TMEM163: variants seen among roughly 807,000 people sequenced by gnomAD.
TMEM163 encodes transmembrane protein 163.
In TMEM163, 17 loss-of-function variants were observed where a neutral mutation model predicts 29.3. The ratio of observed to expected loss-of-function variants is 0.58; its 90% CI spans 0.40 to 0.87. The LOEUF (loss-of-function observed/expected upper bound fraction) is 0.87, where lower values mean the gene tolerates loss of function less well. TMEM163 is among the 40% of genes least tolerant of loss of function. The pLI, the probability that TMEM163 is intolerant of heterozygous loss-of-function variation, is 0.00. For synonymous variants in TMEM163, 157 were observed against 160.6 expected, an observed-to-expected ratio of 0.98 and a Z score of 0.17; for missense variants, 303 against 381.5, an observed-to-expected ratio of 0.79 and a Z score of 1.71.
chr2:134,710,571 C>T (rs1158736523), intron 2 of TMEM163, among the ~76,000 whole-genome samples: 1 of 151,878 alleles, frequency 6.6e-6, no homozygotes, highest in East Asian at 1.9e-4. Context: ...TAAATGAAAT[C>T]TCAGCCTTGT....
At chr2:134,676,155 A>G (rs1418059951) in intron 2 of TMEM163, among the ~76,000 whole-genome samples, 1 of 152,194 alleles carries the variant, frequency 6.6e-6, no homozygotes, top group Admixed American at 6.5e-5. Context: ...AGCATTTGCC[A>G]ATTTCTATGG....
At chr2:134,477,662 C>A (rs1032301310) in intron 5 of TMEM163, among the ~76,000 whole-genome samples, 1 of 152,066 alleles carries the variant, frequency 6.6e-6, no homozygotes, top group African/African-American at 2.4e-5. Flanking sequence ...AGAAAACATA[C>A]CATGAAGGCC....
Position 134,502,944 on chromosome 2 carries a change from A to G in TMEM163, c.512T>C (p.Val171Ala). 6.2e-7 allele frequency: 1 copy of G among 1,614,036 alleles called. No individual in the cohort carries two copies. Among genetic ancestry groups the G allele is most frequent in the Non-Finnish European group, 8.5e-7 (1 of 1,179,978 alleles). The change falls in exon 5 of 8, where the codon GTC becomes GCC. Residue 171 changes from valine to alanine, a missense_variant. Physicochemically the swap from Val to Ala is moderately conservative, Grantham distance 64. Around this residue, in one of 2 missense-constraint regions of TMEM163, gnomAD observed 203 missense variants for 294.3 expected, o/e 0.69. Transcript: ENST00000281924. ...IFLLSSICIV[V>A]KAIHDLSTRL... ...AGTTGAGAGGTCATGGATGGCTTTG[A>G]CCACTATACATATGGATGACAGAAG...
chr2:134,548,500 T>A (rs945304675), intron 4 of TMEM163, among the ~76,000 whole-genome samples: 1 of 152,182 alleles, frequency 6.6e-6, no homozygotes, highest in Admixed American at 6.5e-5. Context: ...TCCGAGTATA[T>A]CTCTACATTA....
Position 134,656,285 on chromosome 2 carries a change from T to C in TMEM163, c.322+56915A>G, listed in dbSNP as rs535799274. Among the ~76,000 whole-genome samples, 19 of 151,214 alleles carry C rather than the reference T, an allele frequency of 1.3e-4. No individual in the cohort carries two copies. In the East Asian group the frequency reaches 3.1e-3, roughly 25 times the overall value. ...TTTTAAGCCGGTCTGAAAAGCGCAA[T>C]ATTCGGGTGGGAGTGACCCGATTTT... On this transcript the variant is annotated intron_variant, in intron 2 of 7. Coordinates refer to ENST00000281924, the MANE Select transcript of TMEM163 (RefSeq NM_030923.5).
chr2:134,471,938 G>T (rs899330290), intron 5 of TMEM163, among the ~76,000 whole-genome samples: 1 of 152,214 alleles, frequency 6.6e-6, no homozygotes, highest in Non-Finnish European at 1.5e-5. Flanking sequence ...AGTGGACTCC[G>T]TGAAAACAGC....
intron 6 of TMEM163, among the ~76,000 whole-genome samples, chr2:134,463,852 C>T (rs1296628178): frequency 6.6e-6 from 1 of 152,220 alleles, no homozygotes; most frequent in African/African-American, 2.4e-5. Context: ...CACGCTCCAA[C>T]AGCATCAAAC....
intron 2 of TMEM163, among the ~76,000 whole-genome samples, chr2:134,564,383 C>T (rs1268303611): frequency 6.6e-6 from 1 of 151,958 alleles, no homozygotes; most frequent in Admixed American, 6.6e-5. Context: ...AGAAAACTGT[C>T]GATGAGCTGT....
intron 2 of TMEM163, among the ~76,000 whole-genome samples, chr2:134,708,550 A>AT (rs1240545555): frequency 6.6e-6 from 1 of 151,226 alleles, no homozygotes; most frequent in East Asian, 1.9e-4. Flanking sequence ...GCTGCACCTA[A>AT]TTTTTTATAT....
chr2:134,651,304 G>A (rs1268520338), intron 2 of TMEM163, among the ~76,000 whole-genome samples: 1 of 140,054 alleles, frequency 7.1e-6, no homozygotes, highest in Non-Finnish European at 1.5e-5. Context: ...GTGATGATGA[G>A]CATTTTTTCA....
chr2:134,569,319 T>A (rs569013412), intron 2 of TMEM163, among the ~76,000 whole-genome samples: 8 of 152,262 alleles, frequency 5.3e-5, no homozygotes, highest in African/African-American at 1.9e-4. Context: ...TCAAAACAAG[T>A]TCCTTAGACC....
intron 2 of TMEM163, among the ~76,000 whole-genome samples, chr2:134,602,926 T>C (rs1358126277): frequency 6.6e-6 from 1 of 152,104 alleles, no homozygotes; most frequent in Non-Finnish European, 1.5e-5. Flanking sequence ...ACCACCTGTA[T>C]CTCAGTCCTC....
At chr2:134,613,382 G>T (rs978289476) in intron 2 of TMEM163, among the ~76,000 whole-genome samples, 8 of 152,106 alleles carry the variant, frequency 5.3e-5, no homozygotes, top group Non-Finnish European at 1.0e-4. Flanking sequence ...TTGAGGAAAA[G>T]AATTCATCTA....
intron 2 of TMEM163, among the ~76,000 whole-genome samples, chr2:134,688,978 C>T (rs1684402888): frequency 6.6e-6 from 1 of 152,002 alleles, no homozygotes; most frequent in South Asian, 2.1e-4. Context: ...TGTAAAATAT[C>T]TCAATAATTC....
intron 5 of TMEM163, among the ~76,000 whole-genome samples, chr2:134,488,829 T>C (rs554133873): frequency 2.6e-5 from 4 of 152,134 alleles, no homozygotes; most frequent in East Asian, 3.9e-4. Context: ...AAAGCAGCAA[T>C]TTATAAAAGA....
At chr2:134,531,406 T>C (rs4954153) in intron 4 of TMEM163, among the ~76,000 whole-genome samples, 45,892 of 152,120 alleles carry the variant, frequency 0.3, 7,805 homozygotes, top group Middle Eastern at 0.5. Context: ...ATTCTGACAC[T>C]ACCCACTCGG....
chr2:134,538,300 C>G (rs939395117), intron 4 of TMEM163, among the ~76,000 whole-genome samples: 1 of 152,118 alleles, frequency 6.6e-6, no homozygotes, highest in African/African-American at 2.4e-5. Context: ...ACCTATGAAC[C>G]AGGCCCTCTC....
In TMEM163 at chr2:134,669,089, C is replaced by T. The variant is rs181460833; in HGVS notation, c.322+44111G>A. On this transcript the variant is annotated intron_variant, in intron 2 of 7. Coordinates refer to ENST00000281924, the MANE Select transcript of TMEM163 (RefSeq NM_030923.5). ...AGAGCAGAGCCTGGGGCTGCTCCCCCTCACTTCCAAAGAACAGGAGGGGCC... is the reference window on the plus strand; with the variant it reads ...AGAGCAGAGCCTGGGGCTGCTCCCCTTCACTTCCAAAGAACAGGAGGGGCC... Among the ~76,000 whole-genome samples the T allele has an allele frequency of 2.0e-3, 303 of 152,358 alleles. 10 individuals are homozygous for T. The highest frequency in any genetic ancestry group is 0.019 in the Admixed American group (286 of 15,306).
intron 2 of TMEM163, among the ~76,000 whole-genome samples, chr2:134,612,938 G>A (rs2104819272): frequency 6.6e-6 from 1 of 152,298 alleles, no homozygotes; most frequent in East Asian, 1.9e-4. Context: ...GAGGAAGCCA[G>A]ATGTTAGACT....
Sources: allele counts gnomAD v4.1 joint callset (sites outside exome capture counted in the v4.1 genomes callset), GRCh38; gene constraint gnomAD v4.1.1; regional missense constraint gnomAD v4.1.1; transcripts MANE v1.5; gene names NCBI Gene and HGNC (gene_info 2026-07-23, HGNC 2026-07-21).